The following CCDC85A variants were observed in gnomAD, a reference collection of about 807,000 sequenced individuals.
CCDC85A encodes the protein coiled-coil domain-containing protein 85A.
CCDC85A carries 38 observed loss-of-function variants against 50.2 expected under a neutral mutation model. The observed-to-expected ratio is 0.76, with a 90% CI of 0.58 to 0.99. The LOEUF is 0.99. Ranked by LOEUF, CCDC85A falls within the 50% of genes least tolerant of loss-of-function variation. The probability of loss-of-function intolerance (pLI) is 0.00; values close to 1 mark genes in which losing one functional copy is unlikely to be tolerated. For synonymous variants in CCDC85A, 366 were observed against 301.4 expected (o/e 1.21, Z -2.22); for missense variants, 820 against 742.0 (o/e 1.11, Z -1.22).
At chr2:56,370,082 A>G (rs1437685497) in intron 3 of CCDC85A, among the ~76,000 whole-genome samples, 1 of 152,160 alleles carries the variant, frequency 6.6e-6, no homozygotes, top group Admixed American at 6.6e-5. Flanking sequence ...AGAAAACTAC[A>G]GAAAACAAAA....
At chr2:56,186,768 G>A (rs983694173) in intron 1 of CCDC85A, among the ~76,000 whole-genome samples, 13 of 152,118 alleles carry the variant, frequency 8.5e-5, no homozygotes, top group African/African-American at 3.1e-4. Flanking sequence ...TGGTAGAGTG[G>A]GTTGGTAGAG....
chr2:56,308,219 A>G (rs1672530825), intron 2 of CCDC85A, among the ~76,000 whole-genome samples: 1 of 152,150 alleles, frequency 6.6e-6, no homozygotes. Context: ...ATTTATCAAA[A>G]TATTTCTGTT....
chr2:56,314,151 C>G (rs1158670454), intron 2 of CCDC85A, among the ~76,000 whole-genome samples: 1 of 149,334 alleles, frequency 6.7e-6, no homozygotes, highest in African/African-American at 2.5e-5. Context: ...GGGCACTTAG[C>G]CATAGTGGGA....
chr2:56,372,447 G>T lies in CCDC85A; in HGVS notation c.1421G>T (p.Arg474Leu), dbSNP rs764092881. The change falls in exon 4 of 6, where the codon CGA becomes CTA. Residue 474 changes from arginine to leucine, a missense_variant. Arg to Leu is a moderately radical substitution (Grantham distance 102). Transcript: ENST00000407595. ...RRVLQWWQGC[R>L]GIGRCLPTLP... ...GTCTTGCAGTGGTGGCAAGGGTGCC[G>T]AGGAATAGGACGATGCCTGCCTACT... 1.2e-6 allele frequency: 2 copies of T among 1,609,834 alleles called. No homozygotes were observed. Among genetic ancestry groups the T allele is most frequent in the Non-Finnish European group, 1.7e-6 (2 of 1,178,010 alleles).
intron 3 of CCDC85A, among the ~76,000 whole-genome samples, chr2:56,355,154 G>C (rs7562275): frequency 6.6e-6 from 1 of 152,132 alleles, no homozygotes; most frequent in African/African-American, 2.4e-5. Context: ...CATTCCCCAC[G>C]GCTCCTAGGA....
At chr2:56,247,177 G>T (rs1669549154) in intron 2 of CCDC85A, among the ~76,000 whole-genome samples, 1 of 152,198 alleles carries the variant, frequency 6.6e-6, no homozygotes, top group Non-Finnish European at 1.5e-5. Flanking sequence ...TACGTTAGTA[G>T]TGTAATTTGA....
At chr2:56,301,138 A>C (rs1196065386) in intron 2 of CCDC85A, among the ~76,000 whole-genome samples, 3 of 152,168 alleles carry the variant, frequency 2.0e-5, no homozygotes, top group Admixed American at 1.3e-4. Context: ...TTTTTCTTGA[A>C]ATAATAAGAA....
chr2:56,347,509 A>G (rs1222421687), intron 3 of CCDC85A, among the ~76,000 whole-genome samples: 1 of 152,218 alleles, frequency 6.6e-6, no homozygotes, highest in East Asian at 1.9e-4. Flanking sequence ...CTGCTTTAAA[A>G]TAAATGTTCA....
intron 5 of CCDC85A, among the ~76,000 whole-genome samples, chr2:56,382,404 G>A (rs1676628415): frequency 1.3e-5 from 2 of 151,972 alleles, no homozygotes; most frequent in East Asian, 1.9e-4. Flanking sequence ...CAGCGAAAAG[G>A]TTATTATTCA....
At chr2:56,330,039 G>A (rs1203599423) in intron 2 of CCDC85A, among the ~76,000 whole-genome samples, 1 of 139,042 alleles carries the variant, frequency 7.2e-6, no homozygotes, top group South Asian at 2.3e-4. Flanking sequence ...CTTAAAGAGG[G>A]CCACATACAT....
chr2:56,281,452 G>A (rs1671204084), intron 2 of CCDC85A, among the ~76,000 whole-genome samples: 1 of 152,078 alleles, frequency 6.6e-6, no homozygotes, highest in Non-Finnish European at 1.5e-5. Context: ...GAATAGAATT[G>A]CAAGTCATAG....
chr2:56,341,859 A>AG (rs1394391505), intron 2 of CCDC85A, among the ~76,000 whole-genome samples: 1 of 152,222 alleles, frequency 6.6e-6, no homozygotes, highest in Non-Finnish European at 1.5e-5. Flanking sequence ...AACTCTAAAT[A>AG]GCTCTTTCAT....
At chr2:56,320,876 A>G (rs930727568) in intron 2 of CCDC85A, among the ~76,000 whole-genome samples, 21 of 152,296 alleles carry the variant, frequency 1.4e-4, no homozygotes, top group African/African-American at 4.3e-4. Context: ...ATGAACATCA[A>G]TGCAAAAATC....
intron 2 of CCDC85A, among the ~76,000 whole-genome samples, chr2:56,236,916 G>T (rs548420450): frequency 6.6e-6 from 1 of 152,248 alleles, no homozygotes; most frequent in South Asian, 2.1e-4. Context: ...AAGTAACAAG[G>T]TAGGGCCCCT....
intron 2 of CCDC85A, among the ~76,000 whole-genome samples, chr2:56,253,929 G>T (rs554599329): frequency 1.3e-4 from 20 of 152,266 alleles, no homozygotes; most frequent in African/African-American, 4.8e-4. Context: ...CATCTGAGTG[G>T]ACATTGGCTT....
chr2:56,291,244 T>C (rs960585715), intron 2 of CCDC85A, among the ~76,000 whole-genome samples: 1 of 152,200 alleles, frequency 6.6e-6, no homozygotes, highest in Non-Finnish European at 1.5e-5. Flanking sequence ...CATAGATGGA[T>C]CTAACCATAT....
intron 2 of CCDC85A, among the ~76,000 whole-genome samples, chr2:56,315,813 A>AT (rs564513347): frequency 9.3e-4 from 141 of 152,258 alleles, no homozygotes; most frequent in Non-Finnish European, 1.6e-3. Context: ...AATAAAATAT[A>AT]TTTGAGACTC....
intron 2 of CCDC85A, among the ~76,000 whole-genome samples, chr2:56,206,436 A>G (rs886939057): frequency 2.0e-5 from 3 of 152,140 alleles, no homozygotes; most frequent in African/African-American, 7.2e-5. Context: ...TATTTGGCTC[A>G]TGATTCTGGA....
chr2:56,341,642 C>G (rs1255649227), intron 2 of CCDC85A, among the ~76,000 whole-genome samples: 1 of 152,180 alleles, frequency 6.6e-6, no homozygotes, highest in Non-Finnish European at 1.5e-5. Flanking sequence ...CCTGTGACCC[C>G]TTTTCCTGAC....
Sources: allele counts gnomAD v4.1 joint callset (sites outside exome capture counted in the v4.1 genomes callset), GRCh38; gene constraint gnomAD v4.1.1; transcripts MANE v1.5; gene names NCBI Gene and HGNC (gene_info 2026-07-23, HGNC 2026-07-21).